Variants in ADAM12 observed in about 807,000 individuals in gnomAD.
ADAM12 encodes the protein ADAM metallopeptidase domain 12.
Under a neutral mutation model 106.4 loss-of-function variants are expected in ADAM12, and 70 were observed. The ratio of observed to expected loss-of-function variants is 0.66; its 90% CI spans 0.54 to 0.80. The LOEUF is 0.80. Ranked by LOEUF, ADAM12 falls within the 30% of genes least tolerant of loss-of-function variation. The pLI, the probability that ADAM12 is intolerant of heterozygous loss-of-function variation, is 0.00. For missense variants in ADAM12, 1,010 were observed against 1,171.9 expected (o/e 0.86, Z 2.02); for synonymous variants, 420 against 433.5 (o/e 0.97, Z 0.39).
intron 18 of ADAM12, among the ~76,000 whole-genome samples, chr10:126,041,135 C>G (rs1954157568): frequency 6.6e-6 from 1 of 152,132 alleles, no homozygotes; most frequent in African/African-American, 2.4e-5. Context: ...CCATGATGCC[C>G]TCTCTCCCTG....
intron 3 of ADAM12, among the ~76,000 whole-genome samples, chr10:126,158,631 CGGGGATGCACAGAGCATGGGTTG>C (rs1235494184): frequency 1.8e-4 from 5 of 27,156 alleles, no homozygotes; most frequent in South Asian, 1.3e-3. Flanking sequence ...GAGCATGGGG[CGGGGATGCACAGAGCATGGGTTG>C]GGGGATGCAC....
chr10:126,275,243 A>G (rs1959214712), intron 3 of ADAM12, among the ~76,000 whole-genome samples: 1 of 152,186 alleles, frequency 6.6e-6, no homozygotes, highest in Admixed American at 6.5e-5. Flanking sequence ...TCAAAGATAC[A>G]ATTTCACAGA....
chr10:126,120,585 A>C (rs988939748), intron 5 of ADAM12, among the ~76,000 whole-genome samples: 1 of 151,938 alleles, frequency 6.6e-6, no homozygotes, highest in African/African-American at 2.4e-5. Flanking sequence ...AAGGTAATTT[A>C]TTTCTTTTTT....
chr10:126,287,327 G>A (rs71490764), intron 2 of ADAM12, among the ~76,000 whole-genome samples: 2 of 152,156 alleles, frequency 1.3e-5, no homozygotes, highest in African/African-American at 4.8e-5. Flanking sequence ...GGTTGGAAGA[G>A]GGAAATGAAA....
intron 3 of ADAM12, among the ~76,000 whole-genome samples, chr10:126,239,782 G>C (rs1958488118): frequency 6.6e-6 from 1 of 152,182 alleles, no homozygotes; most frequent in South Asian, 2.1e-4. Context: ...ACGTCATTCA[G>C]AACTATCTGA....
chr10:126,100,334 A>ATCATGAGGT (rs1955638407), intron 9 of ADAM12, among the ~76,000 whole-genome samples: 1 of 152,158 alleles, frequency 6.6e-6, no homozygotes, highest in Non-Finnish European at 1.5e-5. Flanking sequence ...CAGGAATCTG[A>ATCATGAGGT]CAGTATTCAC....
At chr10:126,321,975 C>A (rs559177899) in intron 2 of ADAM12, among the ~76,000 whole-genome samples, 5 of 151,720 alleles carry the variant, frequency 3.3e-5, no homozygotes, top group Non-Finnish European at 5.9e-5. Context: ...GGGCATCCAG[C>A]GAGCTGATAT....
intron 3 of ADAM12, among the ~76,000 whole-genome samples, chr10:126,195,289 T>A (rs1246559828): frequency 6.6e-6 from 1 of 152,186 alleles, no homozygotes; most frequent in Non-Finnish European, 1.5e-5. Flanking sequence ...ATAATACATA[T>A]GTTGGTCAGG....
At chr10:126,157,900 C>T (rs1371529671) in intron 3 of ADAM12, among the ~76,000 whole-genome samples, 1 of 152,142 alleles carries the variant, frequency 6.6e-6, no homozygotes, top group Non-Finnish European at 1.5e-5. Flanking sequence ...GGGAAGGTGA[C>T]AGGGCCCTGA....
chr10:126,351,870 A>T (rs1205090258), intron 1 of ADAM12, among the ~76,000 whole-genome samples: 2 of 152,182 alleles, frequency 1.3e-5, no homozygotes, highest in Non-Finnish European at 2.9e-5. Flanking sequence ...CTCAGCCCTC[A>T]TCTGGCCTTT....
intron 1 of ADAM12, among the ~76,000 whole-genome samples, chr10:126,368,134 T>C (rs1387298761): frequency 2.0e-5 from 3 of 151,942 alleles, no homozygotes; most frequent in South Asian, 4.1e-4. Context: ...TGTGTGTATA[T>C]ATATGTGTGT....
At chr10:126,374,907 C>T (rs1478878031) in intron 1 of ADAM12, among the ~76,000 whole-genome samples, 1 of 152,074 alleles carries the variant, frequency 6.6e-6, no homozygotes, top group Non-Finnish European at 1.5e-5. Flanking sequence ...TACAGAACTA[C>T]ACATACACAA....
intron 1 of ADAM12, among the ~76,000 whole-genome samples, chr10:126,383,592 GA>G (rs2133939346): frequency 6.6e-6 from 1 of 152,040 alleles, no homozygotes; most frequent in African/African-American, 2.4e-5. Context: ...AACGAAAAAA[GA>G]TAATCACTTC....
At chr10:126,317,703 G>T (rs563051743) in intron 2 of ADAM12, among the ~76,000 whole-genome samples, 1 of 152,050 alleles carries the variant, frequency 6.6e-6, no homozygotes, top group African/African-American at 2.4e-5. Context: ...TTTTATTTAT[G>T]TCTATAGGTA....
At chr10:126,223,466 C>T (rs1590641715) in intron 3 of ADAM12, among the ~76,000 whole-genome samples, 2 of 152,296 alleles carry the variant, frequency 1.3e-5, no homozygotes, top group African/African-American at 2.4e-5. Flanking sequence ...TGAAGAACAA[C>T]CTTCTATTTT....
At chr10:126,235,487 C>T (rs1356092007) in intron 3 of ADAM12, among the ~76,000 whole-genome samples, 1 of 152,212 alleles carries the variant, frequency 6.6e-6, no homozygotes, top group Middle Eastern at 3.2e-3. Flanking sequence ...AGTCCTGGCT[C>T]TGCCCTCACT....
chr10:126,133,892 G>A (rs1406822473), intron 5 of ADAM12, among the ~76,000 whole-genome samples: 1 of 152,050 alleles, frequency 6.6e-6, no homozygotes, highest in Admixed American at 6.6e-5. Context: ...ACCTCCTTCC[G>A]AACCTCCCTG....
chr10:126,251,896 G>GAATGGAT (rs1190515033), intron 3 of ADAM12, among the ~76,000 whole-genome samples: 3 of 102,094 alleles, frequency 2.9e-5, no homozygotes, highest in Non-Finnish European at 6.3e-5. Context: ...ATGGATGGAT[G>GAATGGAT]GGATGGATAG....
chr10:126,050,919 G>T (rs955710359), intron 14 of ADAM12, among the ~76,000 whole-genome samples: 1 of 151,916 alleles, frequency 6.6e-6, no homozygotes, highest in Admixed American at 6.6e-5. Flanking sequence ...TTTTTCAGGG[G>T]CATTAGCCCA....
Sources: gnomAD v4.1 joint callset for allele counts (sites outside exome capture counted in the v4.1 genomes callset) on GRCh38, gnomAD v4.1.1 for gene constraint, MANE v1.5 for transcripts, NCBI Gene and HGNC (gene_info 2026-07-23, HGNC 2026-07-21) for gene names.